RAP1GDS1: variants seen among roughly 807,000 people sequenced by gnomAD.
The protein encoded by RAP1GDS1 is RAP1, GTP-GDP dissociation stimulator 1.
RAP1GDS1 carries 35 observed loss-of-function variants against 71.1 expected under a neutral mutation model. That is an observed-to-expected ratio of 0.49 (90% CI 0.38 to 0.65). The LOEUF is 0.65. RAP1GDS1 is among the 30% of genes least tolerant of loss of function. The pLI is 0.00. For missense variants in RAP1GDS1, 663 were observed against 706.1 expected (o/e 0.94, Z 0.69); for synonymous variants, 229 against 243.1 (o/e 0.94, Z 0.54).
chr4:98,298,493 C>G (rs1356721285), intron 2 of RAP1GDS1, among the ~76,000 whole-genome samples: 1 of 152,100 alleles, frequency 6.6e-6, no homozygotes, highest in African/African-American at 2.4e-5. Flanking sequence ...ATCCTGGGGC[C>G]CTTCAGAATG....
At chr4:98,263,528 TC>T (rs1722314138) in intron 1 of RAP1GDS1, among the ~76,000 whole-genome samples, 1 of 152,352 alleles carries the variant, frequency 6.6e-6, no homozygotes, top group African/African-American at 2.4e-5. Flanking sequence ...ATCTGTCTCT[TC>T]ATAAGCACTG....
chr4:98,433,710 C>T (rs190242538), intron 12 of RAP1GDS1, among the ~76,000 whole-genome samples: 125 of 152,234 alleles, frequency 8.2e-4, no homozygotes, highest in African/African-American at 2.9e-3. Flanking sequence ...ATATGAACTG[C>T]AGTGGTCTTT....
At chr4:98,300,297 G>A (rs531601264) in intron 2 of RAP1GDS1, among the ~76,000 whole-genome samples, 2 of 152,154 alleles carry the variant, frequency 1.3e-5, no homozygotes, top group South Asian at 2.1e-4. Context: ...ATGATCGCTA[G>A]CATCTTTTAG....
chr4:98,355,215 C>T (rs1737778879), intron 4 of RAP1GDS1, among the ~76,000 whole-genome samples: 1 of 151,986 alleles, frequency 6.6e-6, no homozygotes, highest in African/African-American at 2.4e-5. Context: ...ATTCATCAAC[C>T]TTCTTCACTC....
intron 6 of RAP1GDS1, among the ~76,000 whole-genome samples, chr4:98,392,812 CATG>C (rs1578709017): frequency 6.6e-6 from 1 of 152,140 alleles, no homozygotes; most frequent in East Asian, 1.9e-4. Flanking sequence ...AATCTCAAAA[CATG>C]GCAGAGGACT....
chr4:98,300,086 G>C (rs573685614), intron 2 of RAP1GDS1, among the ~76,000 whole-genome samples: 1 of 152,132 alleles, frequency 6.6e-6, no homozygotes, highest in African/African-American at 2.4e-5. Flanking sequence ...AAATGCTATC[G>C]AACAGCATTG....
intron 2 of RAP1GDS1, among the ~76,000 whole-genome samples, chr4:98,319,367 T>C (rs1415068955): frequency 6.6e-6 from 1 of 152,174 alleles, no homozygotes; most frequent in East Asian, 1.9e-4. Flanking sequence ...AGCAAGGAAT[T>C]TTCTCAAGAT....
At chr4:98,342,682 C>T (rs949133282) in intron 2 of RAP1GDS1, among the ~76,000 whole-genome samples, 14 of 152,088 alleles carry the variant, frequency 9.2e-5, no homozygotes, top group African/African-American at 2.9e-4. Context: ...CTTTTCATTC[C>T]GTATAAAATG....
intron 2 of RAP1GDS1, among the ~76,000 whole-genome samples, chr4:98,329,276 G>T (rs1733592521): frequency 6.6e-6 from 1 of 152,104 alleles, no homozygotes; most frequent in Non-Finnish European, 1.5e-5. Flanking sequence ...ATTGCCTAAA[G>T]AGAAAGTTTC....
intron 4 of RAP1GDS1, among the ~76,000 whole-genome samples, chr4:98,374,476 A>C (rs2110473694): frequency 6.6e-6 from 1 of 152,310 alleles, no homozygotes. Flanking sequence ...CATCTGGATC[A>C]CCTGTGAGTT....
intron 1 of RAP1GDS1, among the ~76,000 whole-genome samples, chr4:98,278,364 G>A (rs1382523316): frequency 1.3e-5 from 2 of 151,970 alleles, no homozygotes; most frequent in East Asian, 3.8e-4. Context: ...GGTTCCTGGA[G>A]GTATCTGAAT....
intron 7 of RAP1GDS1, among the ~76,000 whole-genome samples, chr4:98,415,967 A>C (rs1393696264): frequency 6.6e-6 from 1 of 152,084 alleles, no homozygotes; most frequent in Non-Finnish European, 1.5e-5. Context: ...CCCAGACTGG[A>C]GTGCAGTGGC....
chr4:98,321,526 G>A (rs955103950), intron 2 of RAP1GDS1, among the ~76,000 whole-genome samples: 1 of 145,982 alleles, frequency 6.9e-6, no homozygotes, highest in Non-Finnish European at 1.5e-5. Flanking sequence ...AGAGAGAAAG[G>A]TCGGGTTACC....
At chr4:98,302,324 G>A (rs374119631) in intron 2 of RAP1GDS1, among the ~76,000 whole-genome samples, 1 of 152,206 alleles carries the variant, frequency 6.6e-6, no homozygotes, top group South Asian at 2.1e-4. Flanking sequence ...AGAAGAAATT[G>A]AAGAAAATGA....
chr4:98,262,082 C>A (rs1359492961), intron 1 of RAP1GDS1, among the ~76,000 whole-genome samples: 1 of 152,222 alleles, frequency 6.6e-6, no homozygotes. Context: ...TGAGGGAGAT[C>A]TTACAACCTG....
At chr4:98,294,166 A>C (rs530486328) in intron 2 of RAP1GDS1, among the ~76,000 whole-genome samples, 1 of 152,156 alleles carries the variant, frequency 6.6e-6, no homozygotes, top group South Asian at 2.1e-4. Context: ...CACCATTAAT[A>C]GATCAGTATA....
chr4:98,266,581 G>T (rs1722742560), intron 1 of RAP1GDS1, among the ~76,000 whole-genome samples: 1 of 152,022 alleles, frequency 6.6e-6, no homozygotes, highest in Non-Finnish European at 1.5e-5. Context: ...GTCTAGGCAG[G>T]GTGATAAAAT....
chr4:98,396,668 T>G (rs1203294520), intron 6 of RAP1GDS1: 1 of 152,202 alleles, frequency 6.6e-6, no homozygotes, highest in Non-Finnish European at 1.5e-5. Context: ...AATGAGTCAG[T>G]TATGCCCATG....
chr4:98,310,890 G>A lies in RAP1GDS1; in HGVS notation c.112+17375G>A, dbSNP rs375561782. ...TTTACCTTTTTAAATATTGCTGCTAGAAAATATAAAGTTATATGTGTGGCT... is the reference window on the plus strand; with the variant it reads ...TTTACCTTTTTAAATATTGCTGCTAAAAAATATAAAGTTATATGTGTGGCT... On this transcript the variant is annotated intron_variant, in intron 2 of 14. Transcript: ENST00000408927. Among the ~76,000 whole-genome samples, 293 of 152,130 alleles carry A rather than the reference G, an allele frequency of 1.9e-3. 1 individual carries two copies. Among genetic ancestry groups the A allele is most frequent in the African/African-American group, 6.8e-3 (282 of 41,504 alleles).
Sources: gnomAD v4.1 joint callset for allele counts (sites outside exome capture counted in the v4.1 genomes callset) on GRCh38, gnomAD v4.1.1 for gene constraint, MANE v1.5 for transcripts, NCBI Gene and HGNC (gene_info 2026-07-23, HGNC 2026-07-21) for gene names.